Variants in CAPZA2 observed in about 807,000 individuals in gnomAD.
The protein encoded by CAPZA2 is F-actin-capping protein subunit alpha-2.
Under a neutral mutation model 44.0 loss-of-function variants are expected in CAPZA2, and 13 were observed. That is an observed-to-expected ratio of 0.30 (90% CI 0.19 to 0.47). The LOEUF is 0.47. CAPZA2 is among the 20% of genes least tolerant of loss of function. CAPZA2 has a pLI of 1.00. For synonymous variants in CAPZA2, 94 were observed against 108.2 expected (o/e 0.87, Z 0.81); for missense variants, 244 against 338.6 (o/e 0.72, Z 2.19).
intron 1 of CAPZA2, among the ~76,000 whole-genome samples, chr7:116,879,104 G>A (rs1396700374): frequency 4.4e-5 from 5 of 113,828 alleles, no homozygotes; most frequent in African/African-American, 1.0e-4. Flanking sequence ...CCAGCCTGGC[G>A]ACAGAGCATA....
At position 116,921,921 on chromosome 7, in the gene CAPZA2, G is replaced by T. The variant is rs1461511016; in HGVS notation, c.*4054G>T. The T allele has an allele frequency of 6.6e-6, 1 of 152,046 alleles. No individual in the cohort carries two copies. The highest frequency in any genetic ancestry group is 1.5e-5 in the Non-Finnish European group (1 of 68,018). The allele number at this position is 152,046 out of a possible 1,614,324, so 9.4% of individuals were successfully genotyped here. ...CTGGCATGAGTGGTGCTTTTCCAGAGTACACTTGGATATATGATTACATTT... is the reference window on the plus strand; with the variant it reads ...CTGGCATGAGTGGTGCTTTTCCAGATTACACTTGGATATATGATTACATTT... On this transcript the variant is annotated 3_prime_UTR_variant, in exon 10 of 10. Coordinates refer to ENST00000361183, the MANE Select transcript of CAPZA2 (RefSeq NM_006136.3).
At chr7:116,882,119 A>G (rs955367245) in intron 1 of CAPZA2, among the ~76,000 whole-genome samples, 1 of 152,204 alleles carries the variant, frequency 6.6e-6, no homozygotes, top group Non-Finnish European at 1.5e-5. Context: ...AAGGTGGTGT[A>G]TGGCGAGTTT....
intron 8 of CAPZA2, 99 bp from the exon 9 acceptor site, chr7:116,915,961 T>C (rs765193553): frequency 2.5e-6 from 2 of 800,252 alleles, no homozygotes; most frequent in Non-Finnish European, 3.7e-6. Context: ...TTTCCTTCTG[T>C]GTTATTTATT....
At chr7:116,875,699 A>G (rs2115884109) in intron 1 of CAPZA2, among the ~76,000 whole-genome samples, 1 of 151,190 alleles carries the variant, frequency 6.6e-6, no homozygotes, top group South Asian at 2.1e-4. Context: ...GGTGCTCACC[A>G]TCATGCCTGG....
chr7:116,913,958 A>C (rs551750372), intron 8 of CAPZA2, among the ~76,000 whole-genome samples: 11 of 151,568 alleles, frequency 7.3e-5, no homozygotes, highest in Non-Finnish European at 1.0e-4. Flanking sequence ...TTTGTGTCAT[A>C]TACCTAAAAG....
intron 1 of CAPZA2, among the ~76,000 whole-genome samples, chr7:116,870,586 G>C (rs1796543242): frequency 6.6e-6 from 1 of 152,158 alleles, no homozygotes; most frequent in Non-Finnish European, 1.5e-5. Context: ...TAGCCCACAT[G>C]ATATGCCACT....
chr7:116,863,261 T>G (rs1796441514), intron 1 of CAPZA2, among the ~76,000 whole-genome samples: 1 of 152,204 alleles, frequency 6.6e-6, no homozygotes, highest in South Asian at 2.1e-4. Flanking sequence ...CTCTCTTTCC[T>G]TTCGTGGCTC....
intron 2 of CAPZA2, among the ~76,000 whole-genome samples, chr7:116,889,547 C>T (rs923394481): frequency 1.0e-4 from 15 of 150,106 alleles, no homozygotes; most frequent in Non-Finnish European, 1.8e-4. Flanking sequence ...CATAGTGAGG[C>T]CCCCCTCCCC....
chr7:116,868,678 G>A (rs879458189), intron 1 of CAPZA2, among the ~76,000 whole-genome samples: 1 of 152,174 alleles, frequency 6.6e-6, no homozygotes, highest in Non-Finnish European at 1.5e-5. Flanking sequence ...ATGTTGCAGT[G>A]AGCGGTGATC....
In CAPZA2 at chr7:116,914,432, TACACACACAC is replaced by T. The variant is rs71148345; in HGVS notation, c.658-1599_658-1590del. 5.1e-3 allele frequency among the ~76,000 whole-genome samples: 745 copies of T among 145,194 alleles called. 2 individuals carry two copies. Among genetic ancestry groups the T allele is most frequent in the Middle Eastern group, 0.014 (4 of 284 alleles). ...TAAGCTATATTTACATATACATACATACACACACACACACACACACACACACACACACACA... is the reference window on the plus strand; with the variant it reads ...TAAGCTATATTTACATATACATACATACACACACACACACACACACACACA... On this transcript the variant is annotated intron_variant, in intron 8 of 9. Transcript: ENST00000361183.
At chr7:116,870,235 T>G (rs376373609) in intron 1 of CAPZA2, among the ~76,000 whole-genome samples, 1 of 152,212 alleles carries the variant, frequency 6.6e-6, no homozygotes, top group East Asian at 1.9e-4. Context: ...ATATACATAC[T>G]AAATTGGGTC....
chr7:116,903,229 GA>G (rs1168956663), intron 4 of CAPZA2, among the ~76,000 whole-genome samples: 1 of 125,588 alleles, frequency 8.0e-6, no homozygotes, highest in Non-Finnish European at 1.7e-5. Flanking sequence ...CAGATGCAGA[GA>G]AGAGTGTGTG....
At chr7:116,895,510 T>C (rs1005328428) in intron 3 of CAPZA2, among the ~76,000 whole-genome samples, 1 of 152,154 alleles carries the variant, frequency 6.6e-6, no homozygotes, top group African/African-American at 2.4e-5. Context: ...AAATACATGA[T>C]ATTCTGATCT....
chr7:116,887,245 G>A (rs1316345726), intron 1 of CAPZA2, among the ~76,000 whole-genome samples: 1 of 151,698 alleles, frequency 6.6e-6, no homozygotes, highest in African/African-American at 2.4e-5. Context: ...AGAAATTGTT[G>A]GCCAGGTGTA....
In CAPZA2 at chr7:116,919,380, A is replaced by C. The variant is rs1294708215; in HGVS notation, c.*1513A>C. The C allele has an allele frequency of 1.3e-5, 2 of 152,276 alleles. No homozygotes were observed. Among genetic ancestry groups the C allele is most frequent in the African/African-American group, 4.8e-5 (2 of 41,326 alleles). 9.4% of individuals were successfully genotyped at this position (152,276 alleles called of 1,614,324 possible). A position where few individuals can be genotyped will look rare whatever the true frequency, so the allele number is the denominator to read the frequency against. On this transcript the variant is annotated 3_prime_UTR_variant, in exon 10 of 10. Coordinates refer to ENST00000361183, the MANE Select transcript of CAPZA2 (RefSeq NM_006136.3). Reference sequence around the variant, plus strand: ...TTCCTTTTTAAAATATATATATTTGAAAGTTTGATGATGGTGAACTAAATA... The same window carrying C: ...TTCCTTTTTAAAATATATATATTTGCAAGTTTGATGATGGTGAACTAAATA...
At chr7:116,909,317 A>G (rs1562963430) in intron 6 of CAPZA2, among the ~76,000 whole-genome samples, 1 of 152,168 alleles carries the variant, frequency 6.6e-6, no homozygotes, top group Non-Finnish European at 1.5e-5. Flanking sequence ...TAGCGTGCAG[A>G]GAGCAAACAG....
intron 8 of CAPZA2, among the ~76,000 whole-genome samples, chr7:116,912,384 T>TAACA (rs1791608491): frequency 1.3e-5 from 2 of 152,140 alleles, no homozygotes; most frequent in Non-Finnish European, 2.9e-5. Flanking sequence ...TGTATATTAC[T>TAACA]AACAGGGTTG....
At chr7:116,912,285 C>G in intron 8 of CAPZA2, 145 bp downstream of exon 8, 1 of 1,297,006 alleles carries the variant, frequency 7.7e-7, no homozygotes, top group East Asian at 2.6e-5. Context: ...AAACCTGTAC[C>G]TAACTTTTTT....
At chr7:116,879,543 A>G (rs1262137629) in intron 1 of CAPZA2, among the ~76,000 whole-genome samples, 1 of 152,156 alleles carries the variant, frequency 6.6e-6, no homozygotes, top group Non-Finnish European at 1.5e-5. Context: ...GACATTAATT[A>G]GATTCTCATA....
Sources: gnomAD v4.1 joint callset for allele counts (sites outside exome capture counted in the v4.1 genomes callset) on GRCh38, gnomAD v4.1.1 for gene constraint, MANE v1.5 for transcripts, NCBI Gene and HGNC (gene_info 2026-07-23, HGNC 2026-07-21) for gene names.